The following RNF169 variants were observed in gnomAD, a reference collection of about 807,000 sequenced individuals.
RNF169 encodes E3 ubiquitin-protein ligase RNF169.
In RNF169, 24 loss-of-function variants were observed where a neutral mutation model predicts 53.9. The ratio of observed to expected loss-of-function variants is 0.45; its 90% confidence interval spans 0.32 to 0.63. The LOEUF (loss-of-function observed/expected upper bound fraction) is 0.63, where lower values mean the gene tolerates loss of function less well. Ranked by LOEUF, RNF169 falls within the 20% of genes least tolerant of loss-of-function variation. The pLI, the probability that RNF169 is intolerant of heterozygous loss-of-function variation, is 0.04. For missense variants in RNF169, 883 were observed against 906.2 expected, an observed-to-expected ratio of 0.97 and a Z score of 0.33; for synonymous variants, 396 against 363.5, an observed-to-expected ratio of 1.09 and a Z score of -1.02.
At position 74,822,215 on chromosome 11, in the gene RNF169, G is replaced by A. The variant is rs539551803; in HGVS notation, c.842+4501G>A. 4.6e-5 allele frequency among the ~76,000 whole-genome samples: 7 copies of A among 152,236 alleles called. No individual in the cohort carries two copies. In the South Asian group the frequency reaches 1.0e-3, roughly 23 times the overall value. On this transcript the variant is annotated intron_variant, in intron 4 of 5. Coordinates refer to ENST00000299563, the MANE Select transcript of RNF169 (RefSeq NM_001098638.2). ...GTATGTAAGAGACAGAGAGAGTAAT[G>A]AGCAAGCAATTGAGCGCATAAGCTG...
rs1228946062 is a variant in RNF169 at position 74,748,973 on chromosome 11, G to A, written c.93G>A (p.Thr31=). 7 of 1,480,714 alleles carry A rather than the reference G, an allele frequency of 4.7e-6. No individual in the cohort carries two copies. Among genetic ancestry groups the A allele is most frequent in the East Asian group, 2.9e-5 (1 of 34,918 alleles). 91.7% of individuals were successfully genotyped at this position (1,480,714 alleles called of 1,614,324 possible). A position where few individuals can be genotyped will look rare whatever the true frequency, so the allele number is the denominator to read the frequency against. ...GCCGGCGGGGCCGCTGTGACGAGAC[G>A]GCGGCAGCTAAGACTGGGGCCCCAG... ...RRGRRGRCDE[T]AAAKTGAPGP... The change falls in exon 1 of 6, where the codon ACG becomes ACA. Residue 31 remains threonine, a synonymous_variant. Transcript: ENST00000299563.
At chr11:74,786,520 C>A (rs1222449476) in intron 1 of RNF169, among the ~76,000 whole-genome samples, 2 of 152,132 alleles carry the variant, frequency 1.3e-5, no homozygotes, top group Non-Finnish European at 2.9e-5. Flanking sequence ...ACCTTAGCCT[C>A]CCAAATTGCT....
rs192585813 is a variant in RNF169 at position 74,756,690 on chromosome 11, A to G, written c.502+7308A>G. ...ATTTAAAGGCATAGGAACATGAAAC[A>G]AGGAGCGTTCTAGGGATTGTAAACA... On this transcript the variant is annotated intron_variant, in intron 1 of 5. Coordinates refer to ENST00000299563, the MANE Select transcript of RNF169 (RefSeq NM_001098638.2). 4.6e-5 allele frequency among the ~76,000 whole-genome samples: 7 copies of G among 152,300 alleles called. No homozygotes were observed. In the East Asian group the frequency reaches 1.4e-3, roughly 29 times the overall value.
intron 1 of RNF169, among the ~76,000 whole-genome samples, chr11:74,763,363 G>C (rs1270952109): frequency 6.6e-6 from 1 of 152,154 alleles, no homozygotes; most frequent in African/African-American, 2.4e-5. Context: ...AGAGTCAGCA[G>C]ATAGAACAAG....
At chr11:74,751,584 TG>T (rs2034896054) in intron 1 of RNF169, among the ~76,000 whole-genome samples, 2 of 152,246 alleles carry the variant, frequency 1.3e-5, no homozygotes, top group South Asian at 4.1e-4. Flanking sequence ...AAGATGTTTT[TG>T]TCATAAAATT....
At chr11:74,766,838 G>T (rs906376986) in intron 1 of RNF169, among the ~76,000 whole-genome samples, 1 of 152,192 alleles carries the variant, frequency 6.6e-6, no homozygotes, top group Non-Finnish European at 1.5e-5. Flanking sequence ...TTGAAGGATG[G>T]ATGGTTCCAG....
chr11:74,780,948 C>G (rs1248125650), intron 1 of RNF169, among the ~76,000 whole-genome samples: 1 of 152,142 alleles, frequency 6.6e-6, no homozygotes, highest in African/African-American at 2.4e-5. Context: ...TCCAAGATCC[C>G]AAAGAGAAGA....
rs1214522397 is a variant in RNF169, at chr11:74,839,487, C to T, written c.*2757C>T. On this transcript the variant is annotated 3_prime_UTR_variant, in exon 6 of 6. Transcript: ENST00000299563. Reference sequence around the variant, plus strand: ...GAACAGAAAAGGACAAGGAAGGAAACAGAACGATGGGAAGGGTTTGTGAGC... The same window carrying T: ...GAACAGAAAAGGACAAGGAAGGAAATAGAACGATGGGAAGGGTTTGTGAGC... 6.6e-6 allele frequency: 1 copy of T among 152,166 alleles called. No individual in the cohort carries two copies. The highest frequency in any genetic ancestry group is 1.5e-5 in the Non-Finnish European group (1 of 68,032). The allele number at this position is 152,166 out of a possible 1,614,324, so 9.4% of individuals were successfully genotyped here. A position where few individuals can be genotyped will look rare whatever the true frequency, so the allele number is the denominator to read the frequency against.
intron 4 of RNF169, among the ~76,000 whole-genome samples, chr11:74,822,531 T>C (rs911106368): frequency 6.6e-6 from 1 of 152,224 alleles, no homozygotes; most frequent in Non-Finnish European, 1.5e-5. Flanking sequence ...CCTAGATGTT[T>C]TGAGTCTGTT....
chr11:74,806,081 T>TA (rs1056424982), intron 2 of RNF169, among the ~76,000 whole-genome samples: 20 of 152,170 alleles, frequency 1.3e-4, no homozygotes, highest in Non-Finnish European at 2.2e-4. Flanking sequence ...TATGTATTCA[T>TA]ATATTTTTCC....
intron 2 of RNF169, among the ~76,000 whole-genome samples, chr11:74,797,631 A>C (rs1429070561): frequency 2.0e-5 from 3 of 152,204 alleles, no homozygotes; most frequent in African/African-American, 7.2e-5. Context: ...CTCTTATTAG[A>C]AATGACTTGT....
chr11:74,774,014 T>C (rs2035294904), intron 1 of RNF169, among the ~76,000 whole-genome samples: 1 of 152,198 alleles, frequency 6.6e-6, no homozygotes, highest in Non-Finnish European at 1.5e-5. Context: ...GATACAAAGA[T>C]GAGTAAGACA....
intron 2 of RNF169, chr11:74,807,867 AAAAC>A (rs1317328697): frequency 6.6e-6 from 1 of 152,244 alleles, no homozygotes; most frequent in African/African-American, 2.4e-5. Flanking sequence ...AAAAGCAATG[AAAAC>A]AAAGAAACAA....
intron 4 of RNF169, among the ~76,000 whole-genome samples, chr11:74,828,015 T>C (rs1166655070): frequency 1.3e-5 from 2 of 152,184 alleles, no homozygotes; most frequent in African/African-American, 4.8e-5. Context: ...ATAAAGGGTA[T>C]TCAAATAGGA....
intron 1 of RNF169, among the ~76,000 whole-genome samples, chr11:74,756,193 G>A (rs142898842): frequency 6.0e-4 from 91 of 152,180 alleles, no homozygotes; most frequent in Non-Finnish European, 9.1e-4. Context: ...GGTAAAGCAT[G>A]GTTCTGTCCC....
At chr11:74,809,196 TAAGAA>T (rs1274751248) in intron 2 of RNF169, among the ~76,000 whole-genome samples, 7 of 152,158 alleles carry the variant, frequency 4.6e-5, no homozygotes. Flanking sequence ...ATTTTTTTCT[TAAGAA>T]TAATTAAAAA....
intron 1 of RNF169, among the ~76,000 whole-genome samples, chr11:74,759,220 G>A (rs1366282421): frequency 6.9e-5 from 8 of 115,956 alleles, no homozygotes; most frequent in South Asian, 2.8e-4. Context: ...CTGAGACAAT[G>A]GGGTTTTCTA....
intron 1 of RNF169, among the ~76,000 whole-genome samples, 186 bp downstream of exon 1, chr11:74,749,568 G>A (rs948004997): frequency 3.3e-5 from 5 of 152,228 alleles, no homozygotes; most frequent in African/African-American, 1.2e-4. Context: ...GTGAAGGACA[G>A]GCACGTTGCA....
chr11:74,811,040 C>G (rs775694206), intron 3 of RNF169, among the ~76,000 whole-genome samples: 140 of 151,906 alleles, frequency 9.2e-4, no homozygotes, highest in Non-Finnish European at 1.7e-3. Context: ...TTTTGTGATT[C>G]AGGCTTGTTA....
Sources: allele counts gnomAD v4.1 joint callset (sites outside exome capture counted in the v4.1 genomes callset), GRCh38; gene constraint gnomAD v4.1.1; transcripts MANE v1.5; gene names NCBI Gene and HGNC (gene_info 2026-07-23, HGNC 2026-07-21).